The following OSBPL5 variants were observed in gnomAD, a reference collection of about 807,000 sequenced individuals.
OSBPL5 encodes oxysterol-binding protein-related protein 5.
A neutral mutation model predicts 111.2 loss-of-function variants in OSBPL5; 71 were observed. That is an observed-to-expected ratio of 0.64 (90% CI 0.53 to 0.78). The LOEUF is 0.78. Among genes scored for constraint, OSBPL5 ranks in the 30% least tolerant of loss-of-function variants. The pLI is 0.00. For missense variants in OSBPL5, 1,210 were observed against 1,189.3 expected (o/e 1.02, Z -0.26); for synonymous variants, 549 against 513.9 (o/e 1.07, Z -0.93).
At chr11:3,120,071 C>T in intron 6 of OSBPL5, 1 of 447,734 alleles carries the variant, frequency 2.2e-6, no homozygotes, top group Non-Finnish European at 4.1e-6. Flanking sequence ...TCTGGTTTCC[C>T]ACCCGTTAGA....
Position 3,113,250 on chromosome 11 carries a change from A to G in OSBPL5, c.692-5305T>C, listed in dbSNP as rs1366867211. 6.6e-6 allele frequency among the ~76,000 whole-genome samples: 1 copy of G among 152,238 alleles called. No homozygotes were observed. The highest frequency in any genetic ancestry group is 1.5e-5 in the Non-Finnish European group (1 of 68,044). ...GAAATGTCTTAAGAATTGCCAGCAT[A>G]TATTTTTGTTTGCATTTATTAATCA... On this transcript the variant is annotated intron_variant, in intron 7 of 21. Coordinates refer to ENST00000263650, the MANE Select transcript of OSBPL5 (RefSeq NM_020896.4). The surrounding 1 kb of genome is among the most constrained non-coding windows in gnomAD (Gnocchi z 4.8).
At chr11:3,122,285 C>T in intron 4 of OSBPL5, 63 bp downstream of exon 4, 6 of 1,553,518 alleles carry the variant, frequency 3.9e-6, no homozygotes, top group Non-Finnish European at 5.3e-6. Context: ...GGTGACCTCC[C>T]TGGCTCAGGT....
At position 3,094,100 on chromosome 11, in the gene OSBPL5, C is replaced by T. The variant is rs868109592; in HGVS notation, c.1719+137G>A. On this transcript the variant is annotated intron_variant, in intron 15 of 21. Coordinates refer to ENST00000263650, the MANE Select transcript of OSBPL5 (RefSeq NM_020896.4). ...CCTTCTCTGGGCCCTGTCTGTGTTC[C>T]GGGATGTCAACAGCTGCTCCCCTTA... The T allele has an allele frequency of 1.2e-4, 101 of 864,766 alleles. 1 individual carries two copies. Among genetic ancestry groups the T allele is most frequent in the Admixed American group, 5.5e-4 (23 of 41,926 alleles). 53.6% of individuals were successfully genotyped at this position (864,766 alleles called of 1,614,324 possible).
At chr11:3,131,699 T>TATCCATCC (rs796941353) in intron 1 of OSBPL5, among the ~76,000 whole-genome samples, 22,230 of 78,590 alleles carry the variant, frequency 0.28, 2,505 homozygotes, top group African/African-American at 0.35. Flanking sequence ...CCCATTCATC[T>TATCCATCC]ATCCATCCAT....
chr11:3,145,457 C>T (rs915925356), intron 1 of OSBPL5, among the ~76,000 whole-genome samples: 1 of 152,240 alleles, frequency 6.6e-6, no homozygotes, highest in African/African-American at 2.4e-5. Flanking sequence ...CACTGCCCCA[C>T]AGCCTCCACT....
Position 3,130,012 on chromosome 11 carries a change from G to A in OSBPL5, c.-21-843C>T, listed in dbSNP as rs184075144. Reference sequence around the variant, plus strand: ...CCCCTGGAAGGAGAGAGGACAACAGGCGGTCCCCTCTGTCCTGCTCCCCAC... The same window carrying A: ...CCCCTGGAAGGAGAGAGGACAACAGACGGTCCCCTCTGTCCTGCTCCCCAC... On this transcript the variant is annotated intron_variant, in intron 1 of 21. Transcript: ENST00000263650. The surrounding 1 kb of genome is among the most constrained non-coding windows in gnomAD (Gnocchi z 4.5). Among the ~76,000 whole-genome samples the A allele has an allele frequency of 2.5e-4, 38 of 152,346 alleles. No homozygotes were observed. The highest frequency in any genetic ancestry group is 2.4e-3 in the Admixed American group (37 of 15,304).
intron 1 of OSBPL5, among the ~76,000 whole-genome samples, chr11:3,131,345 GCATCCATCCATC>G (rs138987221): frequency 0.1 from 15,272 of 150,726 alleles, 809 homozygotes; most frequent in South Asian, 0.14. Context: ...TCCCTTCCAG[GCATCCATCCATC>G]CATCCATCCA....
rs533861431 is a variant in OSBPL5, at chr11:3,090,607, C to T, written c.2349G>A (p.Glu783=). The change falls in exon 20 of 22, where the codon GAG becomes GAA. Residue 783 remains glutamate, a synonymous_variant. Coordinates refer to ENST00000263650, the MANE Select transcript of OSBPL5 (RefSeq NM_020896.4). The stretch of plus-strand genomic sequence containing the variant: ...CCTCGTCTGAGAGCTCTGGGCAGGA[C>T]TCAGGCGTGGATCCGCTGCTCTCCG... The part of the protein sequence containing the change: ...QATESSGSTP[E]SCPELSDEEQ... 1 of 1,613,146 alleles carries T rather than the reference C, an allele frequency of 6.2e-7. No individual in the cohort carries two copies. Among genetic ancestry groups the T allele is most frequent in the African/African-American group, 1.3e-5 (1 of 75,064 alleles).
chr11:3,107,278 C>T lies in OSBPL5; in HGVS notation c.1044G>A (p.Gln348=), dbSNP rs142437471. The T allele has an allele frequency of 1.6e-4, 261 of 1,613,216 alleles. No individual in the cohort carries two copies. In the African/African-American group the frequency reaches 2.8e-3, roughly 17 times the overall value. The change falls in exon 9 of 22, where the codon CAG becomes CAA. Residue 348 remains glutamine, a synonymous_variant. Transcript: ENST00000263650. This position sits in a 1 kb window ranked among gnomAD's most constrained non-coding sequence, Gnocchi z 6.1. ...GGGCTCTCACCTCCCCCAGCTCCTC[C>T]TGGACCTGCTCCACATAGGTGGTCC... The part of the protein sequence containing the change: ...RRGTTYVEQV[Q]EELGELGEAS...
At chr11:3,155,564 C>T (rs1209392888) in intron 1 of OSBPL5, among the ~76,000 whole-genome samples, 2 of 148,994 alleles carry the variant, frequency 1.3e-5, no homozygotes, top group Non-Finnish European at 3.0e-5. Flanking sequence ...CACCCCAGCT[C>T]TGCCACTCAC....
Position 3,109,276 on chromosome 11 carries a change from C to G in OSBPL5, c.692-1331G>C, listed in dbSNP as rs574008195. ...TGTATTTTTAGTAGAGATGGGGTTT[C>G]ACCATGTTGGCCAGGCTGGTCTCAA... On this transcript the variant is annotated intron_variant, in intron 7 of 21. Transcript: ENST00000263650. This position sits in a 1 kb window ranked among gnomAD's most constrained non-coding sequence, Gnocchi z 7.4. Among the ~76,000 whole-genome samples the G allele has an allele frequency of 2.0e-4, 30 of 151,576 alleles. No homozygotes were observed. The highest frequency in any genetic ancestry group is 1.4e-3 in the Admixed American group (22 of 15,200).
Position 3,107,958 on chromosome 11 carries a change from C to A in OSBPL5, c.692-13G>T. 6.3e-7 allele frequency: 1 copy of A among 1,575,920 alleles called. No individual in the cohort carries two copies. The highest frequency in any genetic ancestry group is 8.5e-7 in the Non-Finnish European group (1 of 1,172,196). ...AGCCAGCAGCGACCTGCGGGGCACA[C>A]GGGATGAGCATGCCCCACCCCCACC... On this transcript the variant is annotated splice_polypyrimidine_tract_variant and intron_variant, in intron 7 of 21. Transcript: ENST00000263650. This position sits in a 1 kb window ranked among gnomAD's most constrained non-coding sequence, Gnocchi z 6.1.
At position 3,092,974 on chromosome 11, in the gene OSBPL5, C is replaced by T. The variant is rs1422272010; in HGVS notation, c.2025G>A (p.Glu675=). 4 of 1,602,744 alleles carry T rather than the reference C, an allele frequency of 2.5e-6. No homozygotes were observed. Among genetic ancestry groups the T allele is most frequent in the Admixed American group, 3.4e-5 (2 of 58,282 alleles). Residue 675 remains glutamate, a synonymous_variant, in exon 18 of 22, where the codon GAG becomes GAA. Coordinates refer to ENST00000263650, the MANE Select transcript of OSBPL5 (RefSeq NM_020896.4). The surrounding 1 kb of genome is among the most constrained non-coding windows in gnomAD (Gnocchi z 5.4). ...GCTCACGGGCCCGCTGCCGCTGTGC[C>T]TCCTCCAGTGCAAACTTCTCCTGTG... is the stretch of plus-strand genomic sequence containing the variant. ...RATQEKFALE[E]AQRQRARERQ...
chr11:3,157,532 C>A (rs1181612616), intron 1 of OSBPL5, among the ~76,000 whole-genome samples: 1 of 152,224 alleles, frequency 6.6e-6, no homozygotes. Context: ...CAGAGAGGGG[C>A]AGGAGAGCCC....
intron 10 of OSBPL5, among the ~76,000 whole-genome samples, chr11:3,103,764 GCCCCCTTC>G (rs1857561771): frequency 1.4e-4 from 4 of 29,450 alleles, no homozygotes; most frequent in Non-Finnish European, 3.2e-4. Context: ...CAGCTCTGCA[GCCCCCTTC>G]CAGCCTCTGC....
In OSBPL5 at chr11:3,107,748, C is replaced by G; in HGVS notation, c.866+23G>C. 6.2e-7 allele frequency: 1 copy of G among 1,608,250 alleles called. No homozygotes were observed. ...GGAGACCCCGTGAATCACCACCAGC[C>G]CCTGTGCCCTCGCCCCACTCACGGG... On this transcript the variant is annotated intron_variant, in intron 8 of 21. Coordinates refer to ENST00000263650, the MANE Select transcript of OSBPL5 (RefSeq NM_020896.4). This position sits in a 1 kb window ranked among gnomAD's most constrained non-coding sequence, Gnocchi z 6.1.
intron 14 of OSBPL5, among the ~76,000 whole-genome samples, chr11:3,099,673 C>T (rs549001623): frequency 1.3e-5 from 2 of 152,314 alleles, no homozygotes; most frequent in East Asian, 3.9e-4. Context: ...AATAGGCTGA[C>T]AGCTGATCAT....
rs57904462 is a variant in OSBPL5, at chr11:3,132,009, G to GCATCCATCCATCCATC, written c.-21-2856_-21-2841dup. ...TCCACCCACCCTCCCTCCCTTTCAG[G>GCATCCATCCATCCATC]CATCCATCCATCCATCCATCCATCC... On this transcript the variant is annotated intron_variant, in intron 1 of 21. Coordinates refer to ENST00000263650, the MANE Select transcript of OSBPL5 (RefSeq NM_020896.4). Among the ~76,000 whole-genome samples the GCATCCATCCATCCATC allele has an allele frequency of 2.7e-3, 109 of 40,144 alleles. 1 individual carries two copies. The highest frequency in any genetic ancestry group is 3.7e-3 in the Non-Finnish European group (83 of 22,324). 26.3% of individuals were successfully genotyped at this position (40,144 alleles called of 152,430 possible). A position where few individuals can be genotyped will look rare whatever the true frequency, so the allele number is the denominator to read the frequency against.
intron 1 of OSBPL5, among the ~76,000 whole-genome samples, chr11:3,139,122 C>T (rs1846034726): frequency 6.6e-6 from 1 of 152,322 alleles, no homozygotes; most frequent in Non-Finnish European, 1.5e-5. Flanking sequence ...CCTCAGTCTC[C>T]CCCACTGCCC....
Sources: allele counts gnomAD v4.1 joint callset (sites outside exome capture counted in the v4.1 genomes callset), GRCh38; gene constraint gnomAD v4.1.1; non-coding constraint Gnocchi (gnomAD v3.1); transcripts MANE v1.5; gene names NCBI Gene and HGNC (gene_info 2026-07-23, HGNC 2026-07-21).